Variants in PTGIS observed in about 807,000 individuals in gnomAD.
The protein encoded by PTGIS is prostacyclin synthase.
A neutral mutation model predicts 50.3 loss-of-function variants in PTGIS; 45 were observed. That is an observed-to-expected ratio of 0.90 (90% CI 0.70 to 1.15). The LOEUF is 1.15. Ranked by LOEUF, PTGIS falls within the 50% of genes most tolerant of loss-of-function variation. The pLI is 0.00. For synonymous variants in PTGIS, 260 were observed against 267.7 expected (o/e 0.97, Z 0.28); for missense variants, 668 against 661.3 (o/e 1.01, Z -0.11).
chr20:49,558,881 T>A (rs1289187618), intron 1 of PTGIS, among the ~76,000 whole-genome samples: 3 of 151,884 alleles, frequency 2.0e-5, no homozygotes, highest in Non-Finnish European at 2.9e-5. Context: ...GCCCGGCTAG[T>A]TTTGTATTTT....
At chr20:49,550,264 A>AT in intron 1 of PTGIS, 75 bp from the exon 2 acceptor site, 1 of 1,575,582 alleles carries the variant, frequency 6.3e-7, no homozygotes. Flanking sequence ...GCAGAGTGTG[A>AT]TTTTGAATGG....
chr20:49,527,058 G>A (rs919078602), intron 5 of PTGIS, among the ~76,000 whole-genome samples: 2 of 152,140 alleles, frequency 1.3e-5, no homozygotes, highest in Non-Finnish European at 1.5e-5. Context: ...TAGCCAAAAG[G>A]CAGAAACAAC....
rs1217885910 is a variant in PTGIS at position 49,506,956 on chromosome 20, C to T, written c.*964G>A. 1 of 152,210 alleles carries T rather than the reference C, an allele frequency of 6.6e-6. No individual in the cohort carries two copies. Among genetic ancestry groups the T allele is most frequent in the Non-Finnish European group, 1.5e-5 (1 of 68,044 alleles). 9.4% of individuals were successfully genotyped at this position (152,210 alleles called of 1,614,324 possible). A position where few individuals can be genotyped will look rare whatever the true frequency, so the allele number is the denominator to read the frequency against. ...TGTGAGCCCAGTGTGGCCAGATATA[C>T]CAAGTTTTCAAGAGAAGCTGGACAT... On this transcript the variant is annotated 3_prime_UTR_variant, in exon 10 of 10. Coordinates refer to ENST00000244043, the MANE Select transcript of PTGIS (RefSeq NM_000961.4).
intron 8 of PTGIS, among the ~76,000 whole-genome samples, chr20:49,512,266 T>C (rs1417159138): frequency 2.6e-5 from 4 of 151,658 alleles, no homozygotes; most frequent in Non-Finnish European, 5.9e-5. Flanking sequence ...GATAGATTAA[T>C]GGATGGATGG....
chr20:49,517,926 C>T (rs924266711), intron 6 of PTGIS, among the ~76,000 whole-genome samples: 2 of 152,182 alleles, frequency 1.3e-5, no homozygotes, highest in African/African-American at 4.8e-5. Context: ...GGGACCCAGG[C>T]GGAGGCACTG....
chr20:49,564,185 A>G, intron 1 of PTGIS, among the ~76,000 whole-genome samples: 1 of 152,250 alleles, frequency 6.6e-6, no homozygotes, highest in East Asian at 1.9e-4. Context: ...TTCTCAGGCA[A>G]GAAAATAGAA....
At chr20:49,514,857 G>T (rs73910535) in intron 6 of PTGIS, among the ~76,000 whole-genome samples, 1,581 of 152,230 alleles carry the variant, frequency 0.01, 23 homozygotes, top group African/African-American at 0.036. Flanking sequence ...ATGCTCAGCC[G>T]TGGACTTGCT....
In PTGIS at chr20:49,568,035, A is replaced by G. The variant is rs1159993538; in HGVS notation, c.74+8T>C. The G allele has an allele frequency of 1.4e-6, 2 of 1,480,716 alleles. No homozygotes were observed. The highest frequency in any genetic ancestry group is 2.5e-5 in the South Asian group (2 of 78,856). 91.7% of individuals were successfully genotyped at this position (1,480,716 alleles called of 1,614,324 possible). ...GTCTGGCGGGGCCGAGCGGAGCAGG[A>G]CACTCACCGCGTGCGGCGGCGGCTC... is the stretch of plus-strand genomic sequence containing the variant. On this transcript the variant is annotated splice_region_variant and intron_variant, in intron 1 of 9. Transcript: ENST00000244043.
chr20:49,539,752 C>A, intron 4 of PTGIS, 31 bp from the exon 5 acceptor site: 2 of 1,600,592 alleles, frequency 1.2e-6, no homozygotes, highest in Non-Finnish European at 8.5e-7. Flanking sequence ...GTCAGGGGTC[C>A]TCCTGGGACA....
rs889851179 is a variant in PTGIS at position 49,509,286 on chromosome 20, G to A, written c.1359-1222C>T. On this transcript the variant is annotated intron_variant, in intron 9 of 9. Coordinates refer to ENST00000244043, the MANE Select transcript of PTGIS (RefSeq NM_000961.4). Reference sequence around the variant, plus strand: ...CTGCACCTCCACTTCCTGGGAACACGGCAAATGATCTGACCTGCCTAGACT... The same window carrying A: ...CTGCACCTCCACTTCCTGGGAACACAGCAAATGATCTGACCTGCCTAGACT... Among the ~76,000 whole-genome samples, 3 of 152,318 alleles carry A rather than the reference G, an allele frequency of 2.0e-5. No individual in the cohort carries two copies. In the South Asian group the frequency reaches 6.2e-4, roughly 32 times the overall value.
Position 49,513,212 on chromosome 20 carries a change from G to A in PTGIS, c.1074C>T (p.Thr358=). 6.2e-7 allele frequency: 1 copy of A among 1,614,088 alleles called. No individual in the cohort carries two copies. Among genetic ancestry groups the A allele is most frequent in the East Asian group, 2.2e-5 (1 of 44,882 alleles). The change falls in exon 8 of 10, where the codon ACC becomes ACT. Residue 358 remains threonine, a synonymous_variant. Transcript: ENST00000244043. The stretch of plus-strand genomic sequence containing the variant: ...TGGCCAGGTCCACCACAACCTCGCG[G>A]GTGATGAAGGGGGCAGCTGTAAGCC... ...SLRLTAAPFI[T]REVVVDLAMP...
At chr20:49,564,673 TA>T (rs1450914832) in intron 1 of PTGIS, among the ~76,000 whole-genome samples, 1 of 152,238 alleles carries the variant, frequency 6.6e-6, no homozygotes, top group Non-Finnish European at 1.5e-5. Flanking sequence ...TTAAAAGTTT[TA>T]AATTAAATTC....
At chr20:49,518,655 A>AC (rs1019191160) in intron 6 of PTGIS, among the ~76,000 whole-genome samples, 1 of 131,416 alleles carries the variant, frequency 7.6e-6, no homozygotes, top group African/African-American at 2.6e-5. Flanking sequence ...ACTACTGAAG[A>AC]CAAAAAAAAA....
intron 4 of PTGIS, among the ~76,000 whole-genome samples, chr20:49,541,976 A>G (rs532428838): frequency 6.6e-6 from 1 of 152,302 alleles, no homozygotes; most frequent in African/African-American, 2.4e-5. Flanking sequence ...AATGGGACTC[A>G]AGAAAGACCT....
intron 4 of PTGIS, 40 bp downstream of exon 4, chr20:49,544,265 G>C (rs1297994186): frequency 6.2e-7 from 1 of 1,612,260 alleles, no homozygotes; most frequent in East Asian, 2.2e-5. Context: ...AGGTCAAAGT[G>C]CCGGGCCCCA....
intron 5 of PTGIS, among the ~76,000 whole-genome samples, chr20:49,530,095 G>A (rs1981898388): frequency 6.6e-6 from 1 of 151,002 alleles, no homozygotes; most frequent in South Asian, 2.1e-4. Context: ...CGGAGGTTGT[G>A]GTGAGCCAAG....
At chr20:49,565,603 T>G (rs1982878043) in intron 1 of PTGIS, among the ~76,000 whole-genome samples, 1 of 152,016 alleles carries the variant, frequency 6.6e-6, no homozygotes, top group Non-Finnish European at 1.5e-5. Flanking sequence ...AGTTCAAGGC[T>G]CCAGTAAGCT....
rs1226127760 is a variant in PTGIS, at chr20:49,563,150, G to A, written c.74+4893C>T. ...TTCAATCATTTCAACTCAATGCAGG[G>A]CCTTAAGCTCTGGGAGGATTTAATG... On this transcript the variant is annotated intron_variant, in intron 1 of 9. Coordinates refer to ENST00000244043, the MANE Select transcript of PTGIS (RefSeq NM_000961.4). Among the ~76,000 whole-genome samples, 4 of 152,320 alleles carry A rather than the reference G, an allele frequency of 2.6e-5. No individual in the cohort carries two copies. In the East Asian group the frequency reaches 7.7e-4, roughly 29 times the overall value.
chr20:49,533,136 C>T (rs1049317102), intron 5 of PTGIS, among the ~76,000 whole-genome samples: 1 of 152,096 alleles, frequency 6.6e-6, no homozygotes, highest in African/African-American at 2.4e-5. Context: ...AAATGAGGAC[C>T]CAGACTTGAA....
Sources: allele counts gnomAD v4.1 joint callset (sites outside exome capture counted in the v4.1 genomes callset), GRCh38; gene constraint gnomAD v4.1.1; transcripts MANE v1.5; gene names NCBI Gene and HGNC (gene_info 2026-07-23, HGNC 2026-07-21).